KIF5C: variants seen among roughly 807,000 people sequenced by gnomAD.
KIF5C encodes kinesin family member 5C, also known as kinesin heavy chain isoform 5C.
A neutral mutation model predicts 125.2 loss-of-function variants in KIF5C; 18 were observed. The observed-to-expected ratio is 0.14, with a 90% CI of 0.10 to 0.21. The LOEUF (loss-of-function observed/expected upper bound fraction) is 0.21, where lower values mean the gene tolerates loss of function less well. Ranked by LOEUF, KIF5C falls within the 10% of genes least tolerant of loss-of-function variation. The pLI is 1.00. For synonymous variants in KIF5C, 405 were observed against 434.0 expected (o/e 0.93, Z 0.83); for missense variants, 780 against 1,183.8 (o/e 0.66, Z 5.01).
At chr2:148,880,716 C>T (rs1031256815) in intron 1 of KIF5C, among the ~76,000 whole-genome samples, 4 of 152,120 alleles carry the variant, frequency 2.6e-5, no homozygotes, top group African/African-American at 4.8e-5. Flanking sequence ...GTTCTTCATT[C>T]CTCTGTGCCC....
intron 3 of KIF5C, among the ~76,000 whole-genome samples, chr2:148,929,588 C>G (rs762472109): frequency 8.5e-5 from 13 of 152,204 alleles, no homozygotes; most frequent in Admixed American, 3.9e-4. Flanking sequence ...ACAATACATT[C>G]TATTCAGAAA....
rs529657035 is a variant in KIF5C, at chr2:148,998,065, T to C, written c.2101-335T>C. On this transcript the variant is annotated intron_variant, in intron 18 of 25. Coordinates refer to ENST00000435030, the MANE Select transcript of KIF5C (RefSeq NM_004522.3). The stretch of plus-strand genomic sequence containing the variant: ...AGCTCACACAGGTTACAGGCTTATC[T>C]GGAGGTTACGTGGATAGGGAGAGGT... The C allele has an allele frequency of 8.7e-5, 29 of 334,972 alleles. No homozygotes were observed. The East Asian group carries it at 1.8e-3, about 21-fold the overall frequency. The allele number at this position is 334,972 out of a possible 1,614,324, so 20.7% of individuals were successfully genotyped here.
intron 25 of KIF5C, 108 bp downstream of exon 25, chr2:149,011,791 C>A: frequency 7.0e-7 from 1 of 1,424,380 alleles, no homozygotes; most frequent in Non-Finnish European, 9.6e-7. Flanking sequence ...TTCTGCTCTA[C>A]TCCAGCACAC....
At chr2:148,961,377 A>G (rs1025092183) in intron 10 of KIF5C, among the ~76,000 whole-genome samples, 7 of 152,026 alleles carry the variant, frequency 4.6e-5, no homozygotes, top group African/African-American at 1.2e-4. Flanking sequence ...CACCTGACCT[A>G]TGAGGCATGT....
intron 3 of KIF5C, among the ~76,000 whole-genome samples, chr2:148,932,938 A>ATATG (rs1682212382): frequency 6.6e-6 from 1 of 152,140 alleles, no homozygotes; most frequent in Admixed American, 6.5e-5. Flanking sequence ...TTCTTCTTTC[A>ATATG]TATGTGCTCC....
chr2:149,000,852 T>A (rs565871783), intron 21 of KIF5C, 70 bp downstream of exon 21: 2 of 1,598,084 alleles, frequency 1.3e-6, no homozygotes, highest in Non-Finnish European at 1.7e-6. Context: ...GTCGGATTAT[T>A]TCAAAATTTT....
intron 8 of KIF5C, chr2:148,947,871 G>A (rs376184758): frequency 2.8e-5 from 13 of 456,624 alleles, no homozygotes; most frequent in East Asian, 2.8e-4. Context: ...CTTGAAGCTT[G>A]GTCAGTCTCC....
intron 14 of KIF5C, 53 bp from the exon 15 acceptor site, chr2:148,983,567 G>A (rs1429522737): frequency 4.0e-6 from 6 of 1,494,076 alleles, no homozygotes; most frequent in Admixed American, 2.2e-5. Context: ...AATGTGGAGT[G>A]TATGAAATTG....
intron 16 of KIF5C, among the ~76,000 whole-genome samples, chr2:148,991,803 C>T (rs975286046): frequency 6.6e-6 from 1 of 152,194 alleles, no homozygotes; most frequent in African/African-American, 2.4e-5. Context: ...GAACCCAAAA[C>T]CCATGTCTTC....
intron 1 of KIF5C, among the ~76,000 whole-genome samples, chr2:148,880,978 G>A (rs1456928083): frequency 7.2e-6 from 1 of 139,110 alleles, no homozygotes; most frequent in Non-Finnish European, 1.5e-5. Context: ...TTTTCAAGTT[G>A]CTGAGCTTTC....
intron 1 of KIF5C, among the ~76,000 whole-genome samples, chr2:148,907,570 C>T (rs1051316161): frequency 1.6e-4 from 24 of 152,150 alleles, no homozygotes; most frequent in African/African-American, 5.6e-4. Flanking sequence ...GAGCCATTTG[C>T]AGCAAATCTA....
chr2:148,920,421 TG>T (rs1359646214), intron 1 of KIF5C, among the ~76,000 whole-genome samples: 1 of 152,228 alleles, frequency 6.6e-6, no homozygotes, highest in Non-Finnish European at 1.5e-5. Context: ...CAATAGACTG[TG>T]GTGAGGAATA....
At chr2:148,941,493 A>G in intron 4 of KIF5C, 117 bp from the exon 5 acceptor site, 1 of 1,362,886 alleles carries the variant, frequency 7.3e-7, no homozygotes, top group Middle Eastern at 2.5e-4. Context: ...TTCACTTTGA[A>G]CCCCTCTTCT....
chr2:148,972,280 A>C (rs1419150699), intron 11 of KIF5C, among the ~76,000 whole-genome samples: 1 of 152,132 alleles, frequency 6.6e-6, no homozygotes, highest in Non-Finnish European at 1.5e-5. Flanking sequence ...TTTCCTGGGC[A>C]ATTTTTACAA....
chr2:148,986,659 G>C (rs1681389477), intron 15 of KIF5C, among the ~76,000 whole-genome samples: 1 of 152,146 alleles, frequency 6.6e-6, no homozygotes, highest in African/African-American at 2.4e-5. Context: ...TGTTTCAGTG[G>C]TTTTGTATTT....
intron 1 of KIF5C, chr2:148,878,569 G>A (rs958816801): frequency 2.0e-5 from 3 of 152,230 alleles, no homozygotes; most frequent in African/African-American, 4.8e-5. Flanking sequence ...AGATACTGAA[G>A]GGTTTGGGAG....
chr2:149,009,136 C>T (rs1018837049), intron 23 of KIF5C, among the ~76,000 whole-genome samples: 9 of 151,088 alleles, frequency 6.0e-5, no homozygotes, highest in South Asian at 2.1e-4. Context: ...ATTACAGGTG[C>T]GCGCCACCAC....
chr2:149,014,804 C>G (rs1459440794), intron 25 of KIF5C, among the ~76,000 whole-genome samples: 1 of 152,148 alleles, frequency 6.6e-6, no homozygotes, highest in Non-Finnish European at 1.5e-5. Flanking sequence ...TTTAGTTCCT[C>G]TATAGCAATA....
In KIF5C at chr2:148,950,216, C is replaced by T. The variant is rs148180306; in HGVS notation, c.820-98C>T. 2,541 of 1,507,430 alleles carry T rather than the reference C, an allele frequency of 1.7e-3. 30 individuals are homozygous for T. In the African/African-American group the frequency reaches 0.029, roughly 17 times the overall value. 93.4% of individuals were successfully genotyped at this position (1,507,430 alleles called of 1,614,324 possible). ...CCCAGCCACAAATTCTTGTTTTACT[C>T]GGTTTCTAAGCTCAGTGTCTTCATC... On this transcript the variant is annotated intron_variant, in intron 9 of 25. Coordinates refer to ENST00000435030, the MANE Select transcript of KIF5C (RefSeq NM_004522.3).
Sources: gnomAD v4.1 joint callset for allele counts (sites outside exome capture counted in the v4.1 genomes callset) on GRCh38, gnomAD v4.1.1 for gene constraint, MANE v1.5 for transcripts, NCBI Gene and HGNC (gene_info 2026-07-23, HGNC 2026-07-21) for gene names.